The following BCL11A variants were observed in gnomAD, a reference collection of about 807,000 sequenced individuals.
The protein encoded by BCL11A is BCL11 transcription factor A.
BCL11A carries 2 observed loss-of-function variants against 55.9 expected under a neutral mutation model. That is an observed-to-expected ratio of 0.04 (90% confidence interval 0.01 to 0.11). The LOEUF is 0.11. Ranked by LOEUF, BCL11A falls within the 10% of genes least tolerant of loss-of-function variation. The probability of loss-of-function intolerance (pLI) is 1.00; values close to 1 mark genes in which losing one functional copy is unlikely to be tolerated. For synonymous variants in BCL11A, 465 were observed against 473.4 expected, an observed-to-expected ratio of 0.98 and a Z score of 0.23; for missense variants, 817 against 1,137.1, an observed-to-expected ratio of 0.72 and a Z score of 4.05.
intron 3 of BCL11A, among the ~76,000 whole-genome samples, chr2:60,467,138 T>TGGTGGTGGTGGTGG (rs1676687968): frequency 3.2e-5 from 2 of 61,750 alleles, no homozygotes; most frequent in African/African-American, 1.3e-4. Context: ...GATGGTGGTG[T>TGGTGGTGGTGGTGG]TGGTGGTGAT....
At chr2:60,550,571 G>A (rs1178086512) in intron 1 of BCL11A, among the ~76,000 whole-genome samples, 1 of 151,262 alleles carries the variant, frequency 6.6e-6, no homozygotes, top group East Asian at 2.0e-4. Context: ...GGGGCGGGGG[G>A]GTGGTACTGA....
chr2:60,509,296 C>T (rs994571543), intron 2 of BCL11A, among the ~76,000 whole-genome samples: 3 of 152,190 alleles, frequency 2.0e-5, no homozygotes, highest in Non-Finnish European at 2.9e-5. Context: ...CTCTATGTGC[C>T]AGCCCACTTC....
chr2:60,507,366 A>G (rs1301418410), intron 2 of BCL11A, among the ~76,000 whole-genome samples: 6 of 16,078 alleles, frequency 3.7e-4, no homozygotes, highest in African/African-American at 7.1e-4. Context: ...AGGGAAGGGA[A>G]GGGAAGGGAA....
chr2:60,475,200 G>A lies in BCL11A; in HGVS notation c.386-6367C>T, dbSNP rs569077484. ...TCATCCAGTTGACAGCGGAGGATAC[G>A]ACCATCTAAATAAATCCTCTGAAGA... On this transcript the variant is annotated intron_variant, in intron 2 of 3. Coordinates refer to ENST00000642384, the MANE Select transcript of BCL11A (RefSeq NM_022893.4). Among the ~76,000 whole-genome samples the A allele has an allele frequency of 2.2e-4, 33 of 152,326 alleles. No homozygotes were observed. In the South Asian group the frequency reaches 3.7e-3, roughly 17 times the overall value.
chr2:60,466,167 G>A (rs1052895901), intron 3 of BCL11A, among the ~76,000 whole-genome samples: 6 of 151,488 alleles, frequency 4.0e-5, no homozygotes, highest in Non-Finnish European at 7.4e-5. Context: ...GAGAGGACAG[G>A]GGTTCCCTAT....
At chr2:60,487,901 A>C (rs1678374801) in intron 2 of BCL11A, among the ~76,000 whole-genome samples, 1 of 152,222 alleles carries the variant, frequency 6.6e-6, no homozygotes, top group African/African-American at 2.4e-5. Context: ...ACAAAATGCA[A>C]GTACTCCAAC....
chr2:60,464,154 T>C (rs1376115976), intron 3 of BCL11A, among the ~76,000 whole-genome samples: 4 of 152,138 alleles, frequency 2.6e-5, no homozygotes, highest in Non-Finnish European at 5.9e-5. Context: ...CCACTCAATA[T>C]ATCTCACTCC....
chr2:60,517,884 G>T (rs1251471634), intron 2 of BCL11A, among the ~76,000 whole-genome samples: 1 of 149,754 alleles, frequency 6.7e-6, no homozygotes, highest in Non-Finnish European at 1.5e-5. Context: ...TATGCTCAAA[G>T]AGCTGTGCTT....
intron 2 of BCL11A, among the ~76,000 whole-genome samples, chr2:60,480,754 T>G (rs1677901473): frequency 6.6e-6 from 1 of 152,194 alleles, no homozygotes; most frequent in Non-Finnish European, 1.5e-5. Context: ...TCCTTAAGTC[T>G]TCTGGTGAAT....
chr2:60,458,476 C>G lies in BCL11A; in HGVS notation c.*1928G>C. The G allele has an allele frequency of 9.7e-7, 1 of 1,029,464 alleles. No individual in the cohort carries two copies. The highest frequency in any genetic ancestry group is 1.2e-6 in the Non-Finnish European group (1 of 855,698). The allele number at this position is 1,029,464 out of a possible 1,614,324, so 63.8% of individuals were successfully genotyped here. ...TTAAAAAAGTTTTGTACAAAAAAAT[C>G]CTTGCACTGTAGAAGCGAAAGCAAT... On this transcript the variant is annotated 3_prime_UTR_variant, in exon 4 of 4. Transcript: ENST00000642384.
At chr2:60,479,517 C>A (rs1164745739) in intron 2 of BCL11A, among the ~76,000 whole-genome samples, 1 of 152,216 alleles carries the variant, frequency 6.6e-6, no homozygotes, top group Non-Finnish European at 1.5e-5. Context: ...AATCCTTTTG[C>A]TTCCAGGGCC....
At chr2:60,523,725 T>C (rs1298642917) in intron 2 of BCL11A, among the ~76,000 whole-genome samples, 1 of 151,950 alleles carries the variant, frequency 6.6e-6, no homozygotes, top group African/African-American at 2.4e-5. Context: ...AGCAAAATCA[T>C]TCATTGCCAG....
intron 2 of BCL11A, among the ~76,000 whole-genome samples, chr2:60,529,911 T>A (rs1005313892): frequency 6.6e-6 from 1 of 152,196 alleles, no homozygotes; most frequent in Non-Finnish European, 1.5e-5. Context: ...CCCCAGCAGC[T>A]CCTCTGGTGG....
intron 2 of BCL11A, among the ~76,000 whole-genome samples, chr2:60,540,043 T>C (rs1423593590): frequency 6.6e-6 from 1 of 152,192 alleles, no homozygotes; most frequent in African/African-American, 2.4e-5. Flanking sequence ...GAACATATTT[T>C]ATGAACTTCA....
Position 60,459,702 on chromosome 2 carries a change from T to C in BCL11A, c.*702A>G, listed in dbSNP as rs150974916. 9.6e-7 allele frequency: 1 copy of C among 1,036,660 alleles called. No individual in the cohort carries two copies. The highest frequency in any genetic ancestry group is 1.2e-6 in the Non-Finnish European group (1 of 860,856). The allele number at this position is 1,036,660 out of a possible 1,614,324, so 64.2% of individuals were successfully genotyped here. A position where few individuals can be genotyped will look rare whatever the true frequency, so the allele number is the denominator to read the frequency against. On this transcript the variant is annotated 3_prime_UTR_variant, in exon 4 of 4. Transcript: ENST00000642384. Reference sequence around the variant, plus strand: ...GCACTCATATTTTAAAACCAAATGATAGAATAAACTTGTTCTGTTTTTCTG... The same window carrying C: ...GCACTCATATTTTAAAACCAAATGACAGAATAAACTTGTTCTGTTTTTCTG...
chr2:60,526,010 T>C (rs186898488), intron 2 of BCL11A: 1 of 152,244 alleles, frequency 6.6e-6, no homozygotes, highest in Admixed American at 6.5e-5. Context: ...AGGCAGATAC[T>C]GTTATTTTCT....
intron 1 of BCL11A, among the ~76,000 whole-genome samples, chr2:60,552,801 C>A (rs1206303098): frequency 6.6e-6 from 1 of 151,926 alleles, no homozygotes; most frequent in African/African-American, 2.4e-5. Context: ...TGGGAAGCAA[C>A]CTCCCTTTCC....
At chr2:60,488,040 C>T (rs1471126711) in intron 2 of BCL11A, among the ~76,000 whole-genome samples, 1 of 152,194 alleles carries the variant, frequency 6.6e-6, no homozygotes, top group Non-Finnish European at 1.5e-5. Flanking sequence ...TTATAGATCC[C>T]TCTCTGTGCT....
rs767748706 is a variant in BCL11A, at chr2:60,462,234, A to G, written c.678T>C (p.Pro226=). The change falls in exon 4 of 4, where the codon CCT becomes CCC. Residue 226 remains proline (P), a synonymous_variant. Coordinates refer to ENST00000642384, the MANE Select transcript of BCL11A (RefSeq NM_022893.4). The stretch of plus-strand genomic sequence containing the variant: ...TGTCTGCAATATGAATCCCATGGAG[A>G]GGTGGCTGGGAAGGACATTCTGCAC... ...GLGAECPSQP[P]LHGIHIADNN... is the part of the protein sequence containing the mutation. The G allele has an allele frequency of 3.7e-6, 6 of 1,613,432 alleles. No homozygotes were observed. The highest frequency in any genetic ancestry group is 1.3e-5 in the African/African-American group (1 of 74,836).
Sources: allele counts gnomAD v4.1 joint callset (sites outside exome capture counted in the v4.1 genomes callset), GRCh38; gene constraint gnomAD v4.1.1; transcripts MANE v1.5; gene names NCBI Gene and HGNC (gene_info 2026-07-23, HGNC 2026-07-21).